SSH1: variants seen among roughly 807,000 people sequenced by gnomAD.
The protein encoded by SSH1 is protein phosphatase Slingshot homolog 1.
SSH1 carries 43 observed loss-of-function variants against 79.7 expected under a neutral mutation model. The ratio of observed to expected loss-of-function variants is 0.54; its 90% CI spans 0.42 to 0.70. The LOEUF (loss-of-function observed/expected upper bound fraction) is 0.70. Ranked by LOEUF, SSH1 falls within the 30% of genes least tolerant of loss-of-function variation. The pLI is 0.00. For missense variants in SSH1, 1,206 were observed against 1,358.8 expected (o/e 0.89, Z 1.77); for synonymous variants, 599 against 538.3 (o/e 1.11, Z -1.56).
chr12:108,804,987 A>C, intron 10 of SSH1, 69 bp downstream of exon 10: 1 of 1,582,906 alleles, frequency 6.3e-7, no homozygotes. Flanking sequence ...GACTTGCTAC[A>C]AACTCTTAAA....
chr12:108,817,202 G>A (rs1344028872), intron 4 of SSH1, 43 bp from the exon 5 acceptor site: 11 of 1,609,800 alleles, frequency 6.8e-6, no homozygotes, highest in African/African-American at 1.3e-5. Context: ...GCCTTTGGAG[G>A]TGGTGCCTCC....
At position 108,817,112 on chromosome 12, in the gene SSH1, C is replaced by T. The variant is rs2037923771; in HGVS notation, c.327G>A (p.Val109=). ...SAWADRVRYM[V]VVYSSGRQDT... is the part of the protein sequence containing the mutation. Reference sequence around the variant, plus strand: ...CCTGGCGCCCGCTGCTGTACACCACCACCATGTACCGGACCCGGTCCGCCC... The same window carrying T: ...CCTGGCGCCCGCTGCTGTACACCACTACCATGTACCGGACCCGGTCCGCCC... Residue 109 remains valine, a synonymous_variant, in exon 5 of 15, where the codon GTG becomes GTA. Coordinates refer to ENST00000326495, the MANE Select transcript of SSH1 (RefSeq NM_018984.4). The T allele has an allele frequency of 1.2e-6, 2 of 1,614,236 alleles. No individual in the cohort carries two copies. The highest frequency in any genetic ancestry group is 2.2e-5 in the East Asian group (1 of 44,882).
Position 108,793,398 on chromosome 12 carries a change from CTT to C in SSH1, c.1350-571_1350-570del, listed in dbSNP as rs200848471. On this transcript the variant is annotated intron_variant, in intron 13 of 14. Transcript: ENST00000326495. ...TATGATGACATTGTTTTTATAATCC[CTT>C]TTTTTTTTTTTTTTGAGATGAGGGT... Among the ~76,000 whole-genome samples, 83 of 137,704 alleles carry C rather than the reference CTT, an allele frequency of 6.0e-4. 4 individuals carry two copies. Among genetic ancestry groups the C allele is most frequent in the Admixed American group, 6.5e-4 (9 of 13,806 alleles). The allele number at this position is 137,704 out of a possible 152,430, so 90.3% of individuals were successfully genotyped here. A position where few individuals can be genotyped will look rare whatever the true frequency, so the allele number is the denominator to read the frequency against.
intron 14 of SSH1, among the ~76,000 whole-genome samples, chr12:108,790,152 AGTTT>A (rs1426733406): frequency 2.2e-5 from 3 of 133,416 alleles, no homozygotes; most frequent in Non-Finnish European, 5.0e-5. Flanking sequence ...CATGGCTTCC[AGTTT>A]TTTTTTTTTT....
chr12:108,817,340 A>T, intron 4 of SSH1, 181 bp from the exon 5 acceptor site: 1 of 767,276 alleles, frequency 1.3e-6, no homozygotes, highest in Non-Finnish European at 2.1e-6. Context: ...TTGGGAGGCC[A>T]AGGTAGGCAG....
At chr12:108,854,151 G>A (rs1004912767) in intron 1 of SSH1, among the ~76,000 whole-genome samples, 1 of 152,204 alleles carries the variant, frequency 6.6e-6, no homozygotes, top group Non-Finnish European at 1.5e-5. Flanking sequence ...CTCTCAACAG[G>A]AGACATTGGA....
rs2037342930 is a variant in SSH1 at position 108,807,501 on chromosome 12, C to G, written c.731+132G>C. On this transcript the variant is annotated intron_variant, in intron 8 of 14. Transcript: ENST00000326495. The surrounding 1 kb of genome is among the most constrained non-coding windows in gnomAD (Gnocchi z 5.2). Reference sequence around the variant, plus strand: ...GCTTTAAACGCTGGTTCTGAGAAAGCTAGGGTTCTCACTCAAGGGACTCCA... The same window carrying G: ...GCTTTAAACGCTGGTTCTGAGAAAGGTAGGGTTCTCACTCAAGGGACTCCA... The G allele has an allele frequency of 1.8e-5, 14 of 781,040 alleles. No homozygotes were observed. The highest frequency in any genetic ancestry group is 2.8e-5 in the Non-Finnish European group (13 of 469,960). 48.4% of individuals were successfully genotyped at this position (781,040 alleles called of 1,614,324 possible).
intron 2 of SSH1, among the ~76,000 whole-genome samples, chr12:108,825,821 ATCTC>A (rs2038289359): frequency 6.6e-6 from 1 of 152,158 alleles, no homozygotes; most frequent in East Asian, 1.9e-4. Context: ...CATCTGGCCG[ATCTC>A]ATTTCACAGG....
At chr12:108,823,196 A>T (rs1193444590) in intron 3 of SSH1, 62 bp downstream of exon 3, 86 of 1,471,198 alleles carry the variant, frequency 5.8e-5, no homozygotes, top group Non-Finnish European at 7.3e-5. Context: ...CCAACAATGG[A>T]AGTTTCCTCT....
At position 108,799,153 on chromosome 12, in the gene SSH1, C is replaced by G; in HGVS notation, c.1196G>C (p.Arg399Pro). ...ATAGGCTATGACTGTGGAGGCCGAG[C>G]GACTCACGCCCATTTTGCAATGCAC... The part of the protein sequence containing the change: ...CLVHCKMGVS[R>P]SASTVIAYAM... The change falls in exon 13 of 15, where the codon CGC (arginine) becomes CCC (proline). Residue 399 changes from arginine (R) to proline (P), a missense_variant. Arg to Pro is a moderately radical substitution (Grantham distance 103). Coordinates refer to ENST00000326495, the MANE Select transcript of SSH1 (RefSeq NM_018984.4). 1 of 1,614,136 alleles carries G rather than the reference C, an allele frequency of 6.2e-7. No homozygotes were observed. Among genetic ancestry groups the G allele is most frequent in the Non-Finnish European group, 8.5e-7 (1 of 1,180,022 alleles).
At position 108,807,916 on chromosome 12, in the gene SSH1, G is replaced by T; in HGVS notation, c.537-89C>A. On this transcript the variant is annotated intron_variant, in intron 7 of 14. Transcript: ENST00000326495. This position sits in a 1 kb window ranked among gnomAD's most constrained non-coding sequence, Gnocchi z 5.2. ...TGACAAAGGGGTTCAAATACGGGAA[G>T]GGAAGGGCAATGATTGATTGGTTGA... 1 of 1,170,982 alleles carries T rather than the reference G, an allele frequency of 8.5e-7. No individual in the cohort carries two copies. Among genetic ancestry groups the T allele is most frequent in the Non-Finnish European group, 1.3e-6 (1 of 794,444 alleles). 72.5% of individuals were successfully genotyped at this position (1,170,982 alleles called of 1,614,324 possible).
intron 2 of SSH1, chr12:108,827,653 A>G: frequency 1.0e-6 from 1 of 961,860 alleles, no homozygotes; most frequent in Non-Finnish European, 1.3e-6. Context: ...TAGGCCGGAG[A>G]AACAAGCACC....
chr12:108,843,203 A>T (rs1292426213), intron 2 of SSH1, among the ~76,000 whole-genome samples: 1 of 152,184 alleles, frequency 6.6e-6, no homozygotes, highest in Non-Finnish European at 1.5e-5. Context: ...ACAGATGAGG[A>T]CAGAGGGGTC....
chr12:108,810,980 C>T (rs1042603880), intron 6 of SSH1, among the ~76,000 whole-genome samples: 3 of 152,226 alleles, frequency 2.0e-5, no homozygotes, highest in African/African-American at 4.8e-5. Flanking sequence ...ATCGAGGTGG[C>T]GGATGGGTAT....
Position 108,787,191 on chromosome 12 carries a change from AGG to A in SSH1, c.*795_*796del, listed in dbSNP as rs1191299059. On this transcript the variant is annotated 3_prime_UTR_variant, in exon 15 of 15. Coordinates refer to ENST00000326495, the MANE Select transcript of SSH1 (RefSeq NM_018984.4). ...TTCAGCAGCAGACACTCAACAATGC[AGG>A]TGGGCCCTTCCCCTTGAGATTTAAA... 5.9e-5 allele frequency: 9 copies of A among 152,316 alleles called. No individual in the cohort carries two copies. The highest frequency in any genetic ancestry group is 2.2e-4 in the African/African-American group (9 of 41,464). The allele number at this position is 152,316 out of a possible 1,614,324, so 9.4% of individuals were successfully genotyped here.
chr12:108,788,613 G>A lies in SSH1; in HGVS notation c.2525C>T (p.Pro842Leu). Reference protein sequence around the residue: ...LKSVPADPAPPSRDGPASRLE... With the variant: ...LKSVPADPAPLSRDGPASRLE... The stretch of plus-strand genomic sequence containing the variant: ...CCTGCTGGCAGGGCCATCCCTGGAG[G>A]GAGGTGCTGGGTCTGCAGGCACGCT... The change falls in exon 15 of 15, where the codon CCC (proline) becomes CTC (leucine). Residue 842 changes from proline (P) to leucine (L), a missense_variant. By Grantham distance (98) the Pro-to-Leu change is moderately conservative. Coordinates refer to ENST00000326495, the MANE Select transcript of SSH1 (RefSeq NM_018984.4). 6.2e-7 allele frequency: 1 copy of A among 1,609,692 alleles called. No homozygotes were observed. The highest frequency in any genetic ancestry group is 8.5e-7 in the Non-Finnish European group (1 of 1,176,530).
At chr12:108,797,229 C>A (rs530020122) in intron 13 of SSH1, among the ~76,000 whole-genome samples, 2 of 152,232 alleles carry the variant, frequency 1.3e-5, no homozygotes, top group African/African-American at 4.8e-5. Flanking sequence ...TGGGCTCAAG[C>A]AACCCTCTGA....
At chr12:108,812,610 T>C (rs2037670914) in intron 5 of SSH1, among the ~76,000 whole-genome samples, 1 of 152,190 alleles carries the variant, frequency 6.6e-6, no homozygotes, top group African/African-American at 2.4e-5. Flanking sequence ...CATAAAACCA[T>C]GTGGAACCTA....
At chr12:108,826,214 A>G (rs779885807) in intron 2 of SSH1, 1 of 443,064 alleles carries the variant, frequency 2.3e-6, no homozygotes. Context: ...GGAAAAAAAA[A>G]GGAACAATGC....
Sources: gnomAD v4.1 joint callset for allele counts (sites outside exome capture counted in the v4.1 genomes callset) on GRCh38, gnomAD v4.1.1 for gene constraint, Gnocchi (gnomAD v3.1) non-coding constraint, MANE v1.5 for transcripts, NCBI Gene and HGNC (gene_info 2026-07-23, HGNC 2026-07-21) for gene names.